The following METTL6 variants were observed in gnomAD, a reference collection of about 807,000 sequenced individuals.
METTL6 encodes methyltransferase 6, tRNA N3-cytidine.
METTL6 carries 22 observed loss-of-function variants against 26.4 expected under a neutral mutation model. The observed-to-expected ratio is 0.83, with a 90% confidence interval of 0.59 to 1.19. The LOEUF is 1.19. METTL6 is among the 50% of genes most tolerant of loss of function. METTL6 has a pLI of 0.00. For synonymous variants in METTL6, 109 were observed against 116.2 expected (o/e 0.94, Z 0.40); for missense variants, 304 against 324.8 (o/e 0.94, Z 0.49).
chr3:15,425,198 G>T, intron 2 of METTL6, 109 bp from the exon 3 acceptor site: 2 of 1,155,038 alleles, frequency 1.7e-6, no homozygotes, highest in Admixed American at 2.4e-5. Flanking sequence ...TGGAGCAGAC[G>T]ATCAACAAGA....
rs530909848 is a variant in METTL6, at chr3:15,385,630, C to T, written c.*12-1443G>A. Among the ~76,000 whole-genome samples the T allele has an allele frequency of 1.3e-4, 20 of 152,050 alleles. 1 individual carries two copies. Among genetic ancestry groups the T allele is most frequent in the African/African-American group, 4.8e-4 (20 of 41,498 alleles). ...CAAACGAACGAACAAAAAAACCCCA[C>T]TTGTTGACTGCTTGAAGCCAAGAGT... On this transcript the variant is annotated intron_variant, in intron 6 of 6. Transcript: ENST00000443029.
intron 3 of METTL6, among the ~76,000 whole-genome samples, chr3:15,421,038 A>T (rs769594016): frequency 1.3e-5 from 2 of 152,228 alleles, no homozygotes; most frequent in African/African-American, 2.4e-5. Context: ...ATAGTCCTGT[A>T]CTTAGTCACT....
rs558238034 is a variant in METTL6, at chr3:15,403,231, C to T, written c.*11+8014G>A. Among the ~76,000 whole-genome samples, 5 of 152,268 alleles carry T rather than the reference C, an allele frequency of 3.3e-5. No individual in the cohort carries two copies. In the East Asian group the frequency reaches 9.6e-4, roughly 29 times the overall value. On this transcript the variant is annotated intron_variant, in intron 6 of 6. Transcript: ENST00000443029. ...CTCAAGTGATCTTCTTGTCTTCAGC[C>T]TCCCAAAGTGCTGGGATTATAGGTA...
chr3:15,403,560 TCTC>T (rs1191936431), intron 6 of METTL6, among the ~76,000 whole-genome samples: 1 of 152,200 alleles, frequency 6.6e-6, no homozygotes, highest in Non-Finnish European at 1.5e-5. Flanking sequence ...TCTTTTTCCT[TCTC>T]CTGGTTTTCT....
downstream of METTL6, among the ~76,000 whole-genome samples, chr3:15,408,939 T>C (rs1699874111): frequency 6.6e-6 from 1 of 151,966 alleles, no homozygotes; most frequent in Non-Finnish European, 1.5e-5. Context: ...GGCTGTGGGA[T>C]TCATTTGGCG....
intron 6 of METTL6, among the ~76,000 whole-genome samples, chr3:15,392,008 A>G (rs1182647476): frequency 6.6e-6 from 1 of 152,194 alleles, no homozygotes; most frequent in Admixed American, 6.5e-5. Flanking sequence ...CTTTGGGTAT[A>G]TACCCAGTAA....
At chr3:15,413,734 C>T (rs1237997778) in intron 5 of METTL6, 10 of 1,352,232 alleles carry the variant, frequency 7.4e-6, no homozygotes, top group Middle Eastern at 2.9e-4. Context: ...CCCTCTTATT[C>T]CAGCACAATT....
intron 4 of METTL6, among the ~76,000 whole-genome samples, chr3:15,415,215 A>G (rs1377209500): frequency 6.6e-6 from 1 of 152,122 alleles, no homozygotes; most frequent in Non-Finnish European, 1.5e-5. Flanking sequence ...TTAACCATAC[A>G]TTTTCTCATT....
intron 3 of METTL6, among the ~76,000 whole-genome samples, chr3:15,417,775 GCTACCCTTGAGACAAATGA>G (rs1165840814): frequency 6.6e-6 from 1 of 152,108 alleles, no homozygotes; most frequent in Non-Finnish European, 1.5e-5. Flanking sequence ...AGAAGAACTG[GCTACCCTTGAGACAAATGA>G]CTACCCTTGA....
chr3:15,404,044 T>C (rs532292898), intron 6 of METTL6, among the ~76,000 whole-genome samples: 8 of 152,278 alleles, frequency 5.3e-5, no homozygotes, highest in South Asian at 4.1e-4. Context: ...TTTATAAGCA[T>C]GGTTTTTATG....
chr3:15,408,875 C>G (rs916449854), downstream of METTL6, among the ~76,000 whole-genome samples: 8 of 152,112 alleles, frequency 5.3e-5, no homozygotes, highest in Non-Finnish European at 1.2e-4. Context: ...AGTAGAGACA[C>G]AGGTGAAAGG....
At chr3:15,417,219 G>A (rs889814683) in intron 3 of METTL6, among the ~76,000 whole-genome samples, 1 of 152,162 alleles carries the variant, frequency 6.6e-6, no homozygotes, top group Admixed American at 6.5e-5. Flanking sequence ...CACTTTGGGA[G>A]GCCAAGGCAG....
rs780749512 is a variant in METTL6 at position 15,426,481 on chromosome 3, C to T, written c.31G>A (p.Ala11Thr). The T allele has an allele frequency of 3.7e-6, 6 of 1,613,938 alleles. No homozygotes were observed. The change falls in exon 2 of 6, where the codon GCA (alanine) becomes ACA (threonine). Residue 11 changes from alanine to threonine, a missense_variant. Physicochemically the swap from Ala to Thr is moderately conservative, Grantham distance 58 (BLOSUM62 0). Coordinates refer to ENST00000383790, the MANE Select transcript of METTL6 (RefSeq NM_152396.4). MASLQRKGLQ[A>T]RILTSEEEEK... ...TCTTCTTCAGAGGTGAGAATCCTTG[C>T]CTGCAGCCCTTTCCTTTGCAAAGAA...
intron 6 of METTL6, among the ~76,000 whole-genome samples, chr3:15,393,983 C>T (rs970461864): frequency 6.6e-6 from 1 of 152,160 alleles, no homozygotes; most frequent in African/African-American, 2.4e-5. Context: ...CTCTGCCAGG[C>T]TTTGGTATCA....
At position 15,414,158 on chromosome 3, in the gene METTL6, A is replaced by G. The variant is rs373427280; in HGVS notation, c.536T>C (p.Leu179Ser). ...AAACAAGACACTTTTGCCTGGTTTT[A>G]ATACCTATGAAACAAAAGCAGGCTG... is the stretch of plus-strand genomic sequence containing the variant. ...HLVLQNIYKV[L>S]KPGKSVLFRD... The change falls in exon 5 of 6, where the codon TTA becomes TCA. Residue 179 changes from leucine (L) to serine (S), a missense_variant. Transcript: ENST00000383790. 5 of 1,607,844 alleles carry G rather than the reference A, an allele frequency of 3.1e-6. No individual in the cohort carries two copies. Among genetic ancestry groups the G allele is most frequent in the Non-Finnish European group, 4.2e-6 (5 of 1,178,116 alleles).
At chr3:15,423,247 T>C (rs1431737456) in intron 3 of METTL6, among the ~76,000 whole-genome samples, 1 of 151,892 alleles carries the variant, frequency 6.6e-6, no homozygotes, top group African/African-American at 2.4e-5. Flanking sequence ...AATACAAAAA[T>C]TAGCCAGGAG....
At chr3:15,408,342 G>A (rs1329155640), downstream of METTL6, among the ~76,000 whole-genome samples, 1 of 152,068 alleles carries the variant, frequency 6.6e-6, no homozygotes, top group African/African-American at 2.4e-5. Context: ...TGTATGTTAA[G>A]CTTCTATGTT....
At position 15,419,354 on chromosome 3, in the gene METTL6, T is replaced by G. The variant is rs117988571; in HGVS notation, c.361-3412A>C. ...GACAACTCCTACTACAAACTTCATGTGGGTGGGAATTTTTGCCTGTCTGTT... is the reference window on the plus strand; with the variant it reads ...GACAACTCCTACTACAAACTTCATGGGGGTGGGAATTTTTGCCTGTCTGTT... On this transcript the variant is annotated intron_variant, in intron 3 of 5. Coordinates refer to ENST00000383790, the MANE Select transcript of METTL6 (RefSeq NM_152396.4). Among the ~76,000 whole-genome samples the G allele has an allele frequency of 1.6e-3, 243 of 152,202 alleles. 4 individuals carry two copies. In the East Asian group the frequency reaches 0.043, roughly 27 times the overall value.
At chr3:15,388,126 T>C (rs951738743) in intron 6 of METTL6, among the ~76,000 whole-genome samples, 21 of 150,038 alleles carry the variant, frequency 1.4e-4, no homozygotes, top group African/African-American at 5.2e-4. Flanking sequence ...GTTGTTGTTT[T>C]TGAGATGGAG....
Sources: allele counts gnomAD v4.1 joint callset (sites outside exome capture counted in the v4.1 genomes callset), GRCh38; gene constraint gnomAD v4.1.1; transcripts MANE v1.5; gene names NCBI Gene and HGNC (gene_info 2026-07-23, HGNC 2026-07-21).